FGF12: variants seen among roughly 807,000 people sequenced by gnomAD.
The protein encoded by FGF12 is fibroblast growth factor 12B.
A neutral mutation model predicts 23.6 loss-of-function variants in FGF12; 14 were observed. The ratio of observed to expected loss-of-function variants is 0.59; its 90% CI spans 0.39 to 0.93. FGF12 has a LOEUF of 0.93. Among genes scored for constraint, FGF12 ranks in the 40% least tolerant of loss-of-function variants. FGF12 has a pLI of 0.00. For synonymous variants in FGF12, 62 were observed against 77.3 expected (o/e 0.80, Z 1.04); for missense variants, 175 against 217.8 (o/e 0.80, Z 1.24).
chr3:192,641,142 G>T (rs1267962936), intron 2 of FGF12, among the ~76,000 whole-genome samples: 1 of 35,474 alleles, frequency 2.8e-5, no homozygotes, highest in Admixed American at 3.1e-4. Context: ...GTCTCACTCT[G>T]TCGCCCAGGC....
intron 2 of FGF12, among the ~76,000 whole-genome samples, chr3:192,587,371 C>G (rs1037823310): frequency 3.3e-5 from 5 of 151,896 alleles, no homozygotes; most frequent in African/African-American, 1.2e-4. Context: ...GGAGCGGGCA[C>G]TCCTGGCAGA....
At chr3:192,644,119 T>A (rs911712192) in intron 2 of FGF12, among the ~76,000 whole-genome samples, 5 of 152,230 alleles carry the variant, frequency 3.3e-5, no homozygotes, top group Admixed American at 6.5e-5. Flanking sequence ...CCCCGTTTGA[T>A]CATATTGCTT....
intron 4 of FGF12, among the ~76,000 whole-genome samples, chr3:192,206,836 C>T (rs1717673917): frequency 6.6e-6 from 1 of 151,860 alleles, no homozygotes; most frequent in African/African-American, 2.4e-5. Context: ...CTCTAAAGCA[C>T]TGCCCTGACT....
chr3:192,335,652 T>C (rs560102835), intron 3 of FGF12, among the ~76,000 whole-genome samples, 188 bp from the exon 4 acceptor site: 4 of 152,270 alleles, frequency 2.6e-5, no homozygotes, highest in Admixed American at 6.5e-5. Context: ...TAATTACCTA[T>C]GTAACTTCAG....
At chr3:192,509,288 C>T (rs1724402613) in intron 2 of FGF12, among the ~76,000 whole-genome samples, 1 of 152,178 alleles carries the variant, frequency 6.6e-6, no homozygotes, top group African/African-American at 2.4e-5. Flanking sequence ...GGCCCATGAG[C>T]CAGATGGGAG....
At chr3:192,552,358 T>C (rs1392371508) in intron 2 of FGF12, among the ~76,000 whole-genome samples, 1 of 151,806 alleles carries the variant, frequency 6.6e-6, no homozygotes, top group Non-Finnish European at 1.5e-5. Flanking sequence ...GAAGAAAAGG[T>C]AGGGAGAGAA....
chr3:192,443,103 C>A lies in FGF12; in HGVS notation c.14-82565G>T, dbSNP rs147419674. 3.5e-4 allele frequency among the ~76,000 whole-genome samples: 54 copies of A among 152,148 alleles called. No homozygotes were observed. In the East Asian group the frequency reaches 9.3e-3, roughly 26 times the overall value. ...GATTACAGGCGTGAGTCACCGTGCCCGGCCGTGTCTTCCATCTTTATTAAC... is the reference window on the plus strand; with the variant it reads ...GATTACAGGCGTGAGTCACCGTGCCAGGCCGTGTCTTCCATCTTTATTAAC... On this transcript the variant is annotated intron_variant, in intron 2 of 5. Coordinates refer to ENST00000445105, the MANE Select transcript of FGF12 (RefSeq NM_004113.6).
At chr3:192,494,841 CATAT>C (rs60656064) in intron 2 of FGF12, among the ~76,000 whole-genome samples, 110,042 of 150,338 alleles carry the variant, frequency 0.73, 41,344 homozygotes, top group Non-Finnish European at 0.82. Context: ...AGGGCCTATG[CATAT>C]ATATATATAT....
intron 4 of FGF12, among the ~76,000 whole-genome samples, chr3:192,271,973 T>C (rs1713466595): frequency 6.6e-6 from 1 of 152,198 alleles, no homozygotes; most frequent in Non-Finnish European, 1.5e-5. Context: ...GCCTAGAATC[T>C]GATCTGGTCC....
At chr3:192,572,120 C>A (rs191880211) in intron 2 of FGF12, among the ~76,000 whole-genome samples, 1 of 152,104 alleles carries the variant, frequency 6.6e-6, no homozygotes, top group African/African-American at 2.4e-5. Context: ...TAATCCAGAT[C>A]CTGGATGGAA....
intron 4 of FGF12, among the ~76,000 whole-genome samples, chr3:192,320,829 G>A (rs1042099262): frequency 6.6e-6 from 1 of 151,980 alleles, no homozygotes; most frequent in African/African-American, 2.4e-5. Context: ...TAAGAGGAAA[G>A]CTGATAGGTA....
chr3:192,608,981 C>G (rs996059410), intron 2 of FGF12, among the ~76,000 whole-genome samples: 1 of 152,106 alleles, frequency 6.6e-6, no homozygotes, highest in African/African-American at 2.4e-5. Context: ...TTTGGCTGAG[C>G]TATAATGGGC....
At chr3:192,510,288 G>A (rs1428157473) in intron 2 of FGF12, among the ~76,000 whole-genome samples, 1 of 152,114 alleles carries the variant, frequency 6.6e-6, no homozygotes, top group East Asian at 1.9e-4. Flanking sequence ...AATGAGAAAT[G>A]AACAACCTGA....
intron 2 of FGF12, among the ~76,000 whole-genome samples, chr3:192,519,525 A>G (rs1724762346): frequency 6.6e-6 from 1 of 152,126 alleles, no homozygotes; most frequent in Non-Finnish European, 1.5e-5. Context: ...CTAGATTTCC[A>G]TATTGTAAAG....
At chr3:192,476,923 A>G (rs1479774194) in intron 2 of FGF12, among the ~76,000 whole-genome samples, 1 of 152,188 alleles carries the variant, frequency 6.6e-6, no homozygotes, top group African/African-American at 2.4e-5. Context: ...GATTAAGTTG[A>G]TATCAGACTA....
At chr3:192,261,243 A>C (rs4687304) in intron 4 of FGF12, among the ~76,000 whole-genome samples, 51,452 of 152,056 alleles carry the variant, frequency 0.34, 9,795 homozygotes, top group East Asian at 0.89. Flanking sequence ...GTCTACCTGA[A>C]AACCTCAACT....
intron 4 of FGF12, among the ~76,000 whole-genome samples, chr3:192,313,722 T>C (rs541379358): frequency 3.9e-5 from 6 of 152,310 alleles, no homozygotes; most frequent in African/African-American, 1.2e-4. Flanking sequence ...ATTAGAAAGA[T>C]AATATGCAAT....
intron 2 of FGF12, among the ~76,000 whole-genome samples, chr3:192,620,299 G>A (rs1006495945): frequency 5.9e-5 from 9 of 151,964 alleles, no homozygotes; most frequent in African/African-American, 2.2e-4. Context: ...ATATTTCAAG[G>A]TTTCAATAGA....
chr3:192,257,872 C>CGGCTTGACTTCTGAGAG (rs531631014), intron 4 of FGF12, among the ~76,000 whole-genome samples: 1 of 151,866 alleles, frequency 6.6e-6, no homozygotes, highest in Non-Finnish European at 1.5e-5. Context: ...TTTTGAACTT[C>CGGCTTGACTTCTGAGAG]GGCTTGACTT....
Sources: allele counts gnomAD v4.1 joint callset (sites outside exome capture counted in the v4.1 genomes callset), GRCh38; gene constraint gnomAD v4.1.1; transcripts MANE v1.5; gene names NCBI Gene and HGNC (gene_info 2026-07-23, HGNC 2026-07-21).